SUFU: variants seen among roughly 807,000 people sequenced by gnomAD.
SUFU encodes the protein SUFU negative regulator of hedgehog signaling, also known as suppressor of fused homolog.
Under a neutral mutation model 58.9 loss-of-function variants are expected in SUFU, and 7 were observed. That is an observed-to-expected ratio of 0.12 (90% CI 0.07 to 0.22). The LOEUF is 0.22. Among genes scored for constraint, SUFU ranks in the 10% least tolerant of loss-of-function variants. The pLI, the probability that SUFU is intolerant of heterozygous loss-of-function variation, is 1.00. For synonymous variants in SUFU, 232 were observed against 254.8 expected (o/e 0.91, Z 0.85); for missense variants, 451 against 641.3 (o/e 0.70, Z 3.20).
At chr10:102,562,761 C>T (rs2063051537) in intron 3 of SUFU, among the ~76,000 whole-genome samples, 1 of 151,500 alleles carries the variant, frequency 6.6e-6, no homozygotes, top group Non-Finnish European at 1.5e-5. Flanking sequence ...AATGATGGTG[C>T]ATATCTGTAA....
intron 1 of SUFU, among the ~76,000 whole-genome samples, chr10:102,507,630 C>T (rs1021124133): frequency 6.6e-6 from 1 of 152,242 alleles, no homozygotes; most frequent in Non-Finnish European, 1.5e-5. Flanking sequence ...ATAGGGATTT[C>T]TATCCACAAA....
chr10:102,614,583 C>A (rs2063663590), intron 8 of SUFU, among the ~76,000 whole-genome samples: 1 of 143,278 alleles, frequency 7.0e-6, no homozygotes, highest in African/African-American at 2.6e-5. Context: ...AACAAAAAAA[C>A]AAAAACCAAA....
chr10:102,593,179 G>T lies in SUFU; in HGVS notation c.597+455G>T, dbSNP rs1029279226. Among the ~76,000 whole-genome samples the T allele has an allele frequency of 3.3e-5, 5 of 152,292 alleles. No individual in the cohort carries two copies. The South Asian group carries it at 1.0e-3, about 32-fold the overall frequency. On this transcript the variant is annotated intron_variant, in intron 4 of 11. Coordinates refer to ENST00000369902, the MANE Select transcript of SUFU (RefSeq NM_016169.4). ...ACACAAAGGCCTATCCCCTAATAAG[G>T]AAGGGAGGAGTTTCTCTGCAGGCTG... is the stretch of plus-strand genomic sequence containing the variant.
chr10:102,602,635 A>G (rs1277476008), intron 8 of SUFU, among the ~76,000 whole-genome samples: 1 of 151,982 alleles, frequency 6.6e-6, no homozygotes, highest in Non-Finnish European at 1.5e-5. Flanking sequence ...AACTAAAACA[A>G]CCCTCTCTCT....
intron 1 of SUFU, 151 bp downstream of exon 1, chr10:102,504,485 G>A: frequency 6.8e-7 from 1 of 1,476,788 alleles, no homozygotes; most frequent in Non-Finnish European, 9.1e-7. Context: ...AAGGAGTTAA[G>A]GCTCAAGTTG....
At chr10:102,526,448 G>A (rs1398906198) in intron 2 of SUFU, among the ~76,000 whole-genome samples, 1 of 152,118 alleles carries the variant, frequency 6.6e-6, no homozygotes, top group East Asian at 1.9e-4. Flanking sequence ...AGCTACTTGG[G>A]AGGCTGAGGT....
At chr10:102,512,524 T>C (rs1589978091) in intron 2 of SUFU, among the ~76,000 whole-genome samples, 1 of 152,260 alleles carries the variant, frequency 6.6e-6, no homozygotes, top group Non-Finnish European at 1.5e-5. Flanking sequence ...AACCTCTTAA[T>C]TTGAAATAGG....
At chr10:102,507,378 C>T (rs538371856) in intron 1 of SUFU, among the ~76,000 whole-genome samples, 16 of 152,278 alleles carry the variant, frequency 1.1e-4, no homozygotes, top group Middle Eastern at 3.4e-3. Context: ...TGTAGTGGCT[C>T]TCATCTGCTC....
chr10:102,599,755 A>T (rs1418345344), intron 8 of SUFU, among the ~76,000 whole-genome samples: 1 of 152,206 alleles, frequency 6.6e-6, no homozygotes, highest in African/African-American at 2.4e-5. Flanking sequence ...CAGACCGTGA[A>T]TATTAACATC....
chr10:102,503,946 C>T, upstream of SUFU: 1 of 647,056 alleles, frequency 1.5e-6, no homozygotes, highest in Non-Finnish European at 2.4e-6. Flanking sequence ...CCCTTAGCGC[C>T]CCGCCGCCCC....
chr10:102,524,428 C>T (rs1044596881), intron 2 of SUFU, among the ~76,000 whole-genome samples: 10 of 149,528 alleles, frequency 6.7e-5, no homozygotes, highest in Admixed American at 6.8e-5. Context: ...TGGGATCAAG[C>T]GATTCTCCTG....
chr10:102,602,857 G>A (rs1423757207), intron 8 of SUFU, among the ~76,000 whole-genome samples: 1 of 152,156 alleles, frequency 6.6e-6, no homozygotes, highest in African/African-American at 2.4e-5. Context: ...CATGAAATCT[G>A]TATCTGGCTT....
At chr10:102,543,487 A>G (rs553272088) in intron 2 of SUFU, among the ~76,000 whole-genome samples, 1 of 152,238 alleles carries the variant, frequency 6.6e-6, no homozygotes, top group Non-Finnish European at 1.5e-5. Flanking sequence ...GGTTTTTTGC[A>G]TATTTATAGT....
intron 8 of SUFU, among the ~76,000 whole-genome samples, chr10:102,613,541 G>A (rs527523182): frequency 1.6e-4 from 25 of 152,352 alleles, no homozygotes; most frequent in African/African-American, 4.6e-4. Context: ...ACCTAGCCCC[G>A]CAACGTGTGA....
chr10:102,528,463 C>A (rs1292396253), intron 2 of SUFU, among the ~76,000 whole-genome samples: 1 of 151,904 alleles, frequency 6.6e-6, no homozygotes. Flanking sequence ...CTCAGCTACT[C>A]AGTGGCTGAG....
chr10:102,612,095 CACCTA>C (rs1363921084), intron 8 of SUFU, among the ~76,000 whole-genome samples: 1 of 152,226 alleles, frequency 6.6e-6, no homozygotes, highest in African/African-American at 2.4e-5. Context: ...TTTAATACCT[CACCTA>C]GCCCACACAA....
intron 2 of SUFU, among the ~76,000 whole-genome samples, chr10:102,526,891 A>C (rs2062614215): frequency 6.6e-6 from 1 of 152,134 alleles, no homozygotes; most frequent in African/African-American, 2.4e-5. Context: ...AGGCCAGTGC[A>C]TCTGAGGCTT....
chr10:102,524,948 G>A (rs1344753313), intron 2 of SUFU, among the ~76,000 whole-genome samples: 3 of 152,132 alleles, frequency 2.0e-5, no homozygotes, highest in Non-Finnish European at 4.4e-5. Flanking sequence ...CACCAAGCCC[G>A]AGCTTTTAGC....
At chr10:102,589,744 C>A (rs2063376217) in intron 3 of SUFU, among the ~76,000 whole-genome samples, 1 of 152,108 alleles carries the variant, frequency 6.6e-6, no homozygotes, top group African/African-American at 2.4e-5. Flanking sequence ...CCACACCTGG[C>A]CTTTTATTTT....
Sources: gnomAD v4.1 joint callset for allele counts (sites outside exome capture counted in the v4.1 genomes callset) on GRCh38, gnomAD v4.1.1 for gene constraint, MANE v1.5 for transcripts, NCBI Gene and HGNC (gene_info 2026-07-23, HGNC 2026-07-21) for gene names.